THSD7B: variants seen among roughly 807,000 people sequenced by gnomAD.
THSD7B encodes thrombospondin type 1 domain containing 7B.
A neutral mutation model predicts 213.6 loss-of-function variants in THSD7B; 138 were observed. The observed-to-expected ratio is 0.65, with a 90% confidence interval of 0.56 to 0.74. The LOEUF is 0.74. Ranked by LOEUF, THSD7B falls within the 30% of genes least tolerant of loss-of-function variation. THSD7B has a pLI of 0.00. For missense variants in THSD7B, 1,931 were observed against 1,991.5 expected (o/e 0.97, Z 0.58); for synonymous variants, 742 against 687.0 (o/e 1.08, Z -1.25).
At chr2:137,544,654 A>C (rs1680673898) in intron 15 of THSD7B, among the ~76,000 whole-genome samples, 1 of 151,850 alleles carries the variant, frequency 6.6e-6, no homozygotes, top group East Asian at 1.9e-4. Flanking sequence ...TTTTTAATGA[A>C]GAGTGATTTT....
intron 12 of THSD7B, among the ~76,000 whole-genome samples, chr2:137,396,511 G>A (rs1328701254): frequency 6.9e-6 from 1 of 145,406 alleles, no homozygotes. Context: ...TAGTTTGATT[G>A]CACTGTGGTC....
intron 15 of THSD7B, among the ~76,000 whole-genome samples, chr2:137,517,297 T>G (rs1680088975): frequency 2.0e-5 from 3 of 152,240 alleles, no homozygotes; most frequent in African/African-American, 7.2e-5. Context: ...TCCATTACAT[T>G]AATGACACTA....
At chr2:137,399,672 G>T (rs953453402) in intron 12 of THSD7B, among the ~76,000 whole-genome samples, 1 of 152,058 alleles carries the variant, frequency 6.6e-6, no homozygotes. Flanking sequence ...TATTATCAGG[G>T]TGATTTTTTT....
In THSD7B at chr2:137,412,018, G is replaced by A. The variant is rs1474753293; in HGVS notation, c.2959+146G>A. The A allele has an allele frequency of 3.1e-6, 3 of 952,642 alleles. No individual in the cohort carries two copies. In the African/African-American group the frequency reaches 5.0e-5, roughly 16 times the overall value. 59.0% of individuals were successfully genotyped at this position (952,642 alleles called of 1,614,324 possible). ...AACACATTGTCTCTCATAAAATATG[G>A]ACAGATGAAATGCATACATCTGTAT... On this transcript the variant is annotated intron_variant, in intron 14 of 27. Transcript: ENST00000409968.
intron 17 of THSD7B, among the ~76,000 whole-genome samples, chr2:137,589,024 C>T (rs1006260525): frequency 3.3e-5 from 5 of 152,060 alleles, no homozygotes; most frequent in Non-Finnish European, 7.4e-5. Context: ...AGGTGATCTG[C>T]CCGTCTGGGC....
chr2:137,651,141 A>G (rs1334507159), intron 21 of THSD7B, among the ~76,000 whole-genome samples: 7 of 152,140 alleles, frequency 4.6e-5, no homozygotes, highest in Non-Finnish European at 1.0e-4. Context: ...TAATTTGAGT[A>G]GAATTGGTAT....
At chr2:137,542,975 A>G (rs1000875305) in intron 15 of THSD7B, among the ~76,000 whole-genome samples, 4 of 151,772 alleles carry the variant, frequency 2.6e-5, no homozygotes, top group African/African-American at 7.2e-5. Flanking sequence ...TTATAGTTCT[A>G]GAGGTGAAAA....
intron 12 of THSD7B, among the ~76,000 whole-genome samples, chr2:137,344,376 C>T (rs1161205397): frequency 6.6e-6 from 1 of 151,674 alleles, no homozygotes; most frequent in Non-Finnish European, 1.5e-5. Flanking sequence ...ACAAACTTAC[C>T]ACCCAATCAT....
chr2:137,560,088 T>C (rs1247361814), intron 15 of THSD7B, among the ~76,000 whole-genome samples: 1 of 122,302 alleles, frequency 8.2e-6, no homozygotes, highest in Non-Finnish European at 1.6e-5. Flanking sequence ...TGTGGAGAAA[T>C]AGGAATACTT....
At chr2:137,601,107 TA>T (rs1328870476) in intron 17 of THSD7B, among the ~76,000 whole-genome samples, 1 of 152,190 alleles carries the variant, frequency 6.6e-6, no homozygotes, top group South Asian at 2.1e-4. Context: ...GTCAAAAAGT[TA>T]AAAAAATTAA....
chr2:137,505,638 TAGTC>T (rs1233696697), intron 15 of THSD7B, among the ~76,000 whole-genome samples: 18 of 152,286 alleles, frequency 1.2e-4, no homozygotes, highest in Admixed American at 3.3e-4. Context: ...CTTTGCATAA[TAGTC>T]AGTGTTTTAA....
chr2:137,481,157 G>A (rs1200316337), intron 15 of THSD7B, among the ~76,000 whole-genome samples: 4 of 151,950 alleles, frequency 2.6e-5, no homozygotes, highest in African/African-American at 9.7e-5. Flanking sequence ...CCAGAAAAGT[G>A]AGAAATAAGT....
At chr2:137,306,453 A>G (rs958837395) in intron 12 of THSD7B, among the ~76,000 whole-genome samples, 2 of 152,094 alleles carry the variant, frequency 1.3e-5, no homozygotes, top group Non-Finnish European at 2.9e-5. Flanking sequence ...TTCAAACTTT[A>G]AAGATTCTTT....
intron 5 of THSD7B, among the ~76,000 whole-genome samples, chr2:137,136,392 G>A (rs1180089003): frequency 6.6e-6 from 1 of 152,150 alleles, no homozygotes; most frequent in Admixed American, 6.6e-5. Flanking sequence ...TAAAATGAAG[G>A]TGTTCCAGAG....
At chr2:137,015,843 A>T (rs1252558944) in intron 2 of THSD7B, among the ~76,000 whole-genome samples, 2 of 152,138 alleles carry the variant, frequency 1.3e-5, no homozygotes, top group Non-Finnish European at 2.9e-5. Flanking sequence ...ATGTCTTATA[A>T]ATTGCAGAAC....
chr2:137,669,961 TAAC>T (rs975787860), intron 27 of THSD7B, among the ~76,000 whole-genome samples: 2 of 152,148 alleles, frequency 1.3e-5, no homozygotes, highest in Non-Finnish European at 2.9e-5. Flanking sequence ...TGAATTCTGT[TAAC>T]AAACCACTTT....
At chr2:137,449,968 C>T (rs1687615712) in intron 14 of THSD7B, among the ~76,000 whole-genome samples, 1 of 151,974 alleles carries the variant, frequency 6.6e-6, no homozygotes, top group Non-Finnish European at 1.5e-5. Flanking sequence ...GCATGTACAA[C>T]AGGATACAGG....
chr2:137,616,308 A>C lies in THSD7B; in HGVS notation c.3557A>C (p.Asn1186Thr), dbSNP rs1364553570. 1 of 1,613,452 alleles carries C rather than the reference A, an allele frequency of 6.2e-7. No individual in the cohort carries two copies. Among genetic ancestry groups the C allele is most frequent in the Non-Finnish European group, 8.5e-7 (1 of 1,179,598 alleles). The change falls in exon 18 of 28, where the codon AAT becomes ACT. Residue 1186 changes from asparagine (N) to threonine (T), a missense_variant. Coordinates refer to ENST00000409968, the MANE Select transcript of THSD7B (RefSeq NM_001316349.2). ...LNENCFQFQY[N>T]LTEWSTCQLS... is the part of the protein sequence containing the mutation. ...GAAAATTGCTTCCAGTTCCAGTACA[A>C]TCTAACAGGTACAGTTAAAATCTAT...
At chr2:137,185,566 C>T (rs1384049436) in intron 7 of THSD7B, among the ~76,000 whole-genome samples, 1 of 152,098 alleles carries the variant, frequency 6.6e-6, no homozygotes, top group African/African-American at 2.4e-5. Flanking sequence ...CTGGAAAGGA[C>T]ATGATTTTGT....
Sources: gnomAD v4.1 joint callset for allele counts (sites outside exome capture counted in the v4.1 genomes callset) on GRCh38, gnomAD v4.1.1 for gene constraint, MANE v1.5 for transcripts, NCBI Gene and HGNC (gene_info 2026-07-23, HGNC 2026-07-21) for gene names.